The following CAST variants were observed in gnomAD, a reference collection of about 807,000 sequenced individuals.
CAST encodes MIR583 host.
Under a neutral mutation model 119.6 loss-of-function variants are expected in CAST, and 76 were observed. The ratio of observed to expected loss-of-function variants is 0.64; its 90% CI spans 0.53 to 0.77. The LOEUF (loss-of-function observed/expected upper bound fraction) is 0.77. CAST is among the 30% of genes least tolerant of loss of function. CAST has a pLI of 0.00. For missense variants in CAST, 953 were observed against 946.5 expected, an observed-to-expected ratio of 1.01 and a Z score of -0.09; for synonymous variants, 319 against 331.6, an observed-to-expected ratio of 0.96 and a Z score of 0.41.
chr5:96,471,786 G>GTGTGTT, the CAST span, among the ~76,000 whole-genome samples: 21,450 of 149,502 alleles, frequency 0.14, 1,559 homozygotes, highest in African/African-American at 0.16. Flanking sequence ...GTGTGTGTGT[G>GTGTGTT]TGTGTGTGTG....
At chr5:96,227,865 C>T in the CAST span, among the ~76,000 whole-genome samples, 9 of 152,044 alleles carry the variant, frequency 5.9e-5, no homozygotes, top group African/African-American at 1.9e-4. Context: ...GGGGTGGCAA[C>T]GCGACTAAGT....
intron 1 of CAST, among the ~76,000 whole-genome samples, chr5:96,601,506 T>A (rs1345085878): frequency 6.6e-6 from 1 of 152,200 alleles, no homozygotes; most frequent in Non-Finnish European, 1.5e-5. Flanking sequence ...CTCTGGAGAT[T>A]CAAGTTGAAA....
At chr5:96,245,636 A>T in the CAST span, among the ~76,000 whole-genome samples, 1 of 151,152 alleles carries the variant, frequency 6.6e-6, no homozygotes, top group African/African-American at 2.5e-5. Flanking sequence ...AAAAAAAAAA[A>T]ACAAATAGTG....
chr5:95,993,442 TGGTTATCACAACTGGAGTG>T, the CAST span, among the ~76,000 whole-genome samples: 1 of 152,198 alleles, frequency 6.6e-6, no homozygotes, highest in African/African-American at 2.4e-5. Context: ...GAGACATTTT[TGGTTATCACAACTGGAGTG>T]GAAAGGGTGC....
chr5:96,132,809 T>C, the CAST span, among the ~76,000 whole-genome samples: 28 of 152,284 alleles, frequency 1.8e-4, no homozygotes, highest in African/African-American at 6.0e-4. Context: ...GGAAAATATG[T>C]CCCAGCTGTA....
At chr5:96,227,202 T>C in the CAST span, among the ~76,000 whole-genome samples, 3 of 152,198 alleles carry the variant, frequency 2.0e-5, no homozygotes, top group African/African-American at 7.2e-5. Flanking sequence ...AAGAAGTACA[T>C]TGCAATATTA....
the CAST span, among the ~76,000 whole-genome samples, chr5:96,240,034 C>G: frequency 6.6e-6 from 1 of 152,112 alleles, no homozygotes; most frequent in African/African-American, 2.4e-5. Flanking sequence ...GCATAAGTTT[C>G]TAATATTTAC....
chr5:96,260,940 C>T, the CAST span, among the ~76,000 whole-genome samples: 3 of 152,194 alleles, frequency 2.0e-5, no homozygotes, highest in East Asian at 1.9e-4. Context: ...CTGACAACCT[C>T]GGATGGCTTT....
At chr5:96,354,645 C>T in the CAST span, among the ~76,000 whole-genome samples, 1 of 150,038 alleles carries the variant, frequency 6.7e-6, no homozygotes, top group East Asian at 1.9e-4. Flanking sequence ...TGTATATTTA[C>T]ACATGCTTAT....
the CAST span, among the ~76,000 whole-genome samples, chr5:96,225,796 G>C: frequency 6.6e-6 from 1 of 152,208 alleles, no homozygotes; most frequent in Non-Finnish European, 1.5e-5. Context: ...TGAGAAGTAA[G>C]TTGGATAAAC....
the CAST span, among the ~76,000 whole-genome samples, chr5:96,151,018 G>C: frequency 6.6e-6 from 1 of 152,206 alleles, no homozygotes; most frequent in African/African-American, 2.4e-5. Context: ...TGACAAGGCT[G>C]TCTTCCTGAT....
chr5:96,455,074 C>T, the CAST span, among the ~76,000 whole-genome samples: 598 of 152,130 alleles, frequency 3.9e-3, 12 homozygotes, highest in Admixed American at 0.03. Flanking sequence ...AAAATAATAA[C>T]GCAGGCATAT....
the CAST span, among the ~76,000 whole-genome samples, chr5:96,007,581 G>A: frequency 1.3e-5 from 2 of 152,130 alleles, no homozygotes; most frequent in African/African-American, 2.4e-5. Context: ...TGGGGCTCTC[G>A]TGACGCGATG....
chr5:96,680,753 T>A (rs1751312011), intron 2 of CAST, among the ~76,000 whole-genome samples: 1 of 152,230 alleles, frequency 6.6e-6, no homozygotes, highest in Non-Finnish European at 1.5e-5. Flanking sequence ...GAAATTTACT[T>A]CTTATTCAAG....
the CAST span, among the ~76,000 whole-genome samples, chr5:96,508,155 C>T: frequency 6.6e-5 from 10 of 152,016 alleles, no homozygotes; most frequent in African/African-American, 2.4e-4. Flanking sequence ...GTCATTACAC[C>T]TGGTGTGTTT....
intron 1 of CAST, among the ~76,000 whole-genome samples, chr5:96,607,554 T>C (rs528396543): frequency 1.1e-4 from 17 of 152,238 alleles, no homozygotes; most frequent in Non-Finnish European, 2.2e-4. Flanking sequence ...ATTACCTTTT[T>C]ACATATTAAT....
chr5:96,034,668 T>C, the CAST span, among the ~76,000 whole-genome samples: 1 of 151,706 alleles, frequency 6.6e-6, no homozygotes, highest in Non-Finnish European at 1.5e-5. Context: ...GAATACAATA[T>C]ACTGTTAACA....
At chr5:96,024,810 C>G in the CAST span, among the ~76,000 whole-genome samples, 6 of 152,094 alleles carry the variant, frequency 3.9e-5, no homozygotes, top group African/African-American at 1.4e-4. Flanking sequence ...TTTTTTCCTT[C>G]CCTGTTTCTA....
intron 1 of CAST, among the ~76,000 whole-genome samples, chr5:96,667,382 C>G (rs1749477227): frequency 6.6e-6 from 1 of 152,212 alleles, no homozygotes; most frequent in African/African-American, 2.4e-5. Context: ...TTGCATTTCT[C>G]ATAGATAAAA....
Sources: allele counts gnomAD v4.1 joint callset (sites outside exome capture counted in the v4.1 genomes callset), GRCh38; gene constraint gnomAD v4.1.1; transcripts MANE v1.5; gene names NCBI Gene and HGNC (gene_info 2026-07-23, HGNC 2026-07-21).